The following CLGN variants were observed in gnomAD, a reference collection of about 807,000 sequenced individuals.
The protein encoded by CLGN is calmegin, also known as testis tissue sperm-binding protein Li 79P.
Under a neutral mutation model 79.1 loss-of-function variants are expected in CLGN, and 62 were observed. The ratio of observed to expected loss-of-function variants is 0.78; its 90% CI spans 0.64 to 0.97. The LOEUF (loss-of-function observed/expected upper bound fraction) is 0.97. CLGN is among the 50% of genes least tolerant of loss of function. The pLI is 0.00. For synonymous variants in CLGN, 225 were observed against 224.7 expected, an observed-to-expected ratio of 1.00 and a Z score of -0.01; for missense variants, 647 against 715.5, an observed-to-expected ratio of 0.90 and a Z score of 1.09.
intron 13 of CLGN, among the ~76,000 whole-genome samples, chr4:140,391,414 CA>C (rs2126612926): frequency 6.6e-6 from 1 of 151,840 alleles, no homozygotes; most frequent in East Asian, 1.9e-4. Context: ...TAAGAAGTTA[CA>C]AAAACAAGGC....
intron 2 of CLGN, among the ~76,000 whole-genome samples, chr4:140,411,946 CT>C (rs1729220066): frequency 6.6e-6 from 1 of 152,104 alleles, no homozygotes; most frequent in Non-Finnish European, 1.5e-5. Context: ...TTCTTTCCCA[CT>C]TCCTATCATA....
At chr4:140,423,320 T>G (rs1272028318) in intron 1 of CLGN, among the ~76,000 whole-genome samples, 2 of 152,210 alleles carry the variant, frequency 1.3e-5, no homozygotes, top group Non-Finnish European at 2.9e-5. Context: ...CTCCCTACAT[T>G]GTAAATGTGG....
Position 140,423,958 on chromosome 4 carries a change from G to A in CLGN, c.-10+3579C>T, listed in dbSNP as rs549614098. Among the ~76,000 whole-genome samples, 6 of 151,750 alleles carry A rather than the reference G, an allele frequency of 4.0e-5. No individual in the cohort carries two copies. In the East Asian group the frequency reaches 5.8e-4, roughly 15 times the overall value. On this transcript the variant is annotated intron_variant, in intron 1 of 14. Coordinates refer to ENST00000325617, the MANE Select transcript of CLGN (RefSeq NM_004362.3). The stretch of plus-strand genomic sequence containing the variant: ...TGTTAATTTTTTTGTTGACCTTTTC[G>A]AAGAATTAACTCTTGATTTCACTTG...
At chr4:140,404,759 A>T (rs1729066884) in intron 5 of CLGN, among the ~76,000 whole-genome samples, 1 of 151,612 alleles carries the variant, frequency 6.6e-6, no homozygotes, top group South Asian at 2.1e-4. Flanking sequence ...GGCTTAGGTG[A>T]TCCTCCCACC....
At chr4:140,402,144 C>CTTATTAT in intron 5 of CLGN, 78 bp from the exon 6 acceptor site, 1 of 728,152 alleles carries the variant, frequency 1.4e-6, no homozygotes, top group Non-Finnish European at 2.2e-6. Flanking sequence ...TCTTATTATT[C>CTTATTAT]TCAATTCATG....
Position 140,389,424 on chromosome 4 carries a change from A to T in CLGN, c.1753-120T>A, listed in dbSNP as rs559425413. On this transcript the variant is annotated intron_variant, in intron 14 of 14. Transcript: ENST00000325617. ...TGCTATCAATCAAGTGCTATTATGA[A>T]GGTATTATATGAAATAAAGTTATAG... 1.1e-3 allele frequency: 786 copies of T among 737,544 alleles called. 10 individuals are homozygous for T. In the South Asian group the frequency reaches 0.011, roughly 10 times the overall value. The allele number at this position is 737,544 out of a possible 1,614,324, so 45.7% of individuals were successfully genotyped here.
intron 1 of CLGN, among the ~76,000 whole-genome samples, chr4:140,425,434 G>GTC (rs1729546722): frequency 1.3e-5 from 1 of 77,008 alleles, no homozygotes; most frequent in African/African-American, 5.1e-5. Context: ...AATAGGGTGT[G>GTC]TGTGTGTGTG....
At chr4:140,396,703 C>T (rs1275948054) in intron 8 of CLGN, among the ~76,000 whole-genome samples, 2 of 150,874 alleles carry the variant, frequency 1.3e-5, no homozygotes, top group Non-Finnish European at 3.0e-5. Context: ...ATTACAGGCA[C>T]CTGCCACCAC....
At chr4:140,418,480 T>C (rs1729391539) in intron 1 of CLGN, among the ~76,000 whole-genome samples, 1 of 146,370 alleles carries the variant, frequency 6.8e-6, no homozygotes, top group South Asian at 2.2e-4. Context: ...ATCCAGAATC[T>C]ACAATGAACT....
intron 1 of CLGN, among the ~76,000 whole-genome samples, chr4:140,421,928 T>C (rs1729478550): frequency 6.6e-6 from 1 of 152,158 alleles, no homozygotes; most frequent in Admixed American, 6.5e-5. Context: ...TATGTTTAAG[T>C]CTTCAATCCA....
chr4:140,414,015 C>A (rs1361422856), intron 1 of CLGN, among the ~76,000 whole-genome samples: 4 of 152,236 alleles, frequency 2.6e-5, no homozygotes, highest in African/African-American at 4.8e-5. Context: ...GATCTGAGAA[C>A]GGGCAGACTG....
chr4:140,389,515 G>A (rs139801410), intron 14 of CLGN, among the ~76,000 whole-genome samples: 28 of 151,700 alleles, frequency 1.8e-4, no homozygotes, highest in South Asian at 1.5e-3. Flanking sequence ...ATAAGAAGAC[G>A]GAAAGACTGA....
intron 1 of CLGN, among the ~76,000 whole-genome samples, chr4:140,418,427 G>C (rs1169308941): frequency 4.7e-5 from 7 of 147,780 alleles, no homozygotes; most frequent in African/African-American, 1.8e-4. Context: ...CCTACAAAAT[G>C]GGAGAAAATT....
chr4:140,398,803 T>C, intron 8 of CLGN, 48 bp downstream of exon 8: 1 of 1,502,248 alleles, frequency 6.7e-7, no homozygotes, highest in South Asian at 1.2e-5. Flanking sequence ...TGTTGTTTCA[T>C]TACCTAGTTA....
At chr4:140,401,914 G>C (rs1358756475) in intron 6 of CLGN, 71 bp downstream of exon 6, 11 of 827,414 alleles carry the variant, frequency 1.3e-5, no homozygotes, top group Non-Finnish European at 2.1e-5. Flanking sequence ...AAAATATTCA[G>C]TTTTATCATT....
chr4:140,416,045 T>A (rs1729322566), intron 1 of CLGN, among the ~76,000 whole-genome samples: 1 of 63,676 alleles, frequency 1.6e-5, no homozygotes, highest in African/African-American at 7.7e-5. Context: ...GGATTAAGAA[T>A]CTCACTCAAA....
chr4:140,410,190 T>A (rs1189238293), intron 3 of CLGN, among the ~76,000 whole-genome samples: 2 of 152,036 alleles, frequency 1.3e-5, no homozygotes, highest in South Asian at 2.1e-4. Flanking sequence ...CTACTTTTTT[T>A]AAGGACATCT....
intron 9 of CLGN, 52 bp from the exon 10 acceptor site, chr4:140,396,021 C>T: frequency 1.2e-5 from 19 of 1,609,112 alleles, no homozygotes; most frequent in Non-Finnish European, 1.5e-5. Flanking sequence ...TCAGATCAGT[C>T]ATATAAACTA....
At chr4:140,401,463 G>A (rs1037537561) in intron 6 of CLGN, among the ~76,000 whole-genome samples, 1 of 152,138 alleles carries the variant, frequency 6.6e-6, no homozygotes, top group African/African-American at 2.4e-5. Context: ...CAGAAAGTCT[G>A]AAACAGCCTT....
Sources: gnomAD v4.1 joint callset for allele counts (sites outside exome capture counted in the v4.1 genomes callset) on GRCh38, gnomAD v4.1.1 for gene constraint, MANE v1.5 for transcripts, NCBI Gene and HGNC (gene_info 2026-07-23, HGNC 2026-07-21) for gene names.